The following SEMA5A variants were observed in gnomAD, a reference collection of about 807,000 sequenced individuals.
SEMA5A encodes the protein semaphorin-5A.
In SEMA5A, 55 loss-of-function variants were observed where a neutral mutation model predicts 135.5. The observed-to-expected ratio is 0.41, with a 90% confidence interval of 0.33 to 0.51. SEMA5A has a LOEUF of 0.51. Ranked by LOEUF, SEMA5A falls within the 20% of genes least tolerant of loss-of-function variation. SEMA5A has a pLI of 0.37. For missense variants in SEMA5A, 1,290 were observed against 1,419.9 expected (o/e 0.91, Z 1.47); for synonymous variants, 580 against 546.5 (o/e 1.06, Z -0.85).
At position 9,384,679 on chromosome 5, in the gene SEMA5A, G is replaced by T. The variant is rs868610941; in HGVS notation, c.-77-4656C>A. On this transcript the variant is annotated intron_variant, in intron 2 of 22. Coordinates refer to ENST00000382496, the MANE Select transcript of SEMA5A (RefSeq NM_003966.3). ...AGATAGATATAGATAGATAGATATA[G>T]ATAGATAGATAGATAGATAGATAGA... Among the ~76,000 whole-genome samples, 196 of 90,624 alleles carry T rather than the reference G, an allele frequency of 2.2e-3. 9 individuals are homozygous for T. The highest frequency in any genetic ancestry group is 0.011 in the African/African-American group (179 of 16,306). The allele number at this position is 90,624 out of a possible 152,430, so 59.5% of individuals were successfully genotyped here. A position where few individuals can be genotyped will look rare whatever the true frequency, so the allele number is the denominator to read the frequency against.
chr5:9,410,890 T>TTTA (rs2126603465), intron 2 of SEMA5A, among the ~76,000 whole-genome samples: 1 of 150,702 alleles, frequency 6.6e-6, no homozygotes, highest in South Asian at 2.1e-4. Flanking sequence ...AAAAAAGACA[T>TTTA]TCAAGCCGCC....
chr5:9,420,932 C>T (rs916551113), intron 2 of SEMA5A, among the ~76,000 whole-genome samples: 1 of 152,220 alleles, frequency 6.6e-6, no homozygotes, highest in African/African-American at 2.4e-5. Flanking sequence ...AGGAGAATCG[C>T]TTGAACCCCG....
chr5:9,068,377 CT>C (rs1737588341), intron 16 of SEMA5A, among the ~76,000 whole-genome samples: 1 of 152,210 alleles, frequency 6.6e-6, no homozygotes, highest in African/African-American at 2.4e-5. Flanking sequence ...CCTGAGAAGA[CT>C]GCTCCAGTGT....
intron 1 of SEMA5A, among the ~76,000 whole-genome samples, chr5:9,465,556 T>TA (rs1255417541): frequency 6.6e-6 from 1 of 152,232 alleles, no homozygotes; most frequent in African/African-American, 2.4e-5. Context: ...GTGTGCCAAA[T>TA]ACTATGTTGA....
At chr5:9,210,719 G>A (rs559453129) in intron 8 of SEMA5A, among the ~76,000 whole-genome samples, 1 of 152,106 alleles carries the variant, frequency 6.6e-6, no homozygotes, top group Non-Finnish European at 1.5e-5. Context: ...TGTGTCAGGG[G>A]GCAAGTCCCT....
At chr5:9,232,671 A>G in intron 6 of SEMA5A, among the ~76,000 whole-genome samples, 1 of 152,322 alleles carries the variant, frequency 6.6e-6, no homozygotes, top group South Asian at 2.1e-4. Context: ...ACTATACTGT[A>G]TATATGTACA....
At chr5:9,464,573 T>C (rs1228242106) in intron 1 of SEMA5A, among the ~76,000 whole-genome samples, 1 of 152,238 alleles carries the variant, frequency 6.6e-6, no homozygotes, top group African/African-American at 2.4e-5. Flanking sequence ...CAATAGGTGT[T>C]GATTTTCAGT....
chr5:9,162,394 GTGTGTGTGTGTATATATA>G (rs1260067761), intron 11 of SEMA5A, among the ~76,000 whole-genome samples: 10 of 138,360 alleles, frequency 7.2e-5, no homozygotes, highest in Non-Finnish European at 1.1e-4. Flanking sequence ...GTGTGTGTGT[GTGTGTGTGTGTATATATA>G]TGTGTGTGTA....
intron 1 of SEMA5A, among the ~76,000 whole-genome samples, chr5:9,524,675 A>G (rs992454436): frequency 6.6e-6 from 1 of 152,212 alleles, no homozygotes; most frequent in Non-Finnish European, 1.5e-5. Context: ...GCAAATACAG[A>G]TGGTAACAAT....
At chr5:9,449,132 G>A (rs1437348411) in intron 1 of SEMA5A, among the ~76,000 whole-genome samples, 2 of 152,150 alleles carry the variant, frequency 1.3e-5, no homozygotes, top group Admixed American at 6.5e-5. Context: ...GTTCACTGCA[G>A]TACTACTCAC....
At chr5:9,151,570 A>T (rs1461916829) in intron 12 of SEMA5A, among the ~76,000 whole-genome samples, 2 of 152,116 alleles carry the variant, frequency 1.3e-5, no homozygotes, top group Admixed American at 6.5e-5. Flanking sequence ...ATTTTTTTTT[A>T]AAGATTCTTT....
chr5:9,450,136 C>G (rs1002144779), intron 1 of SEMA5A, among the ~76,000 whole-genome samples: 2 of 152,160 alleles, frequency 1.3e-5, no homozygotes, highest in East Asian at 3.9e-4. Flanking sequence ...CTTCTACAGA[C>G]CCCCTTGGGG....
chr5:9,422,379 A>G (rs534247395), intron 2 of SEMA5A: 78 of 152,324 alleles, frequency 5.1e-4, no homozygotes, highest in African/African-American at 1.8e-3. Context: ...CTAAATACAG[A>G]CCAGAATTCT....
intron 3 of SEMA5A, among the ~76,000 whole-genome samples, chr5:9,378,454 T>C (rs777433439): frequency 2.0e-4 from 31 of 152,158 alleles, no homozygotes; most frequent in Non-Finnish European, 4.1e-4. Context: ...CTCTGCCTCC[T>C]GAAGGAAATA....
intron 3 of SEMA5A, among the ~76,000 whole-genome samples, chr5:9,374,061 C>T (rs796339005): frequency 2.0e-5 from 3 of 152,242 alleles, no homozygotes; most frequent in African/African-American, 7.2e-5. Flanking sequence ...GACATTTAAA[C>T]AAATGACAAG....
chr5:9,418,152 A>G (rs1029295023), intron 2 of SEMA5A, among the ~76,000 whole-genome samples: 1 of 151,708 alleles, frequency 6.6e-6, no homozygotes, highest in African/African-American at 2.4e-5. Context: ...AATTTTTTGT[A>G]TTTTTAGTAG....
At chr5:9,127,162 G>C (rs1032702826) in intron 13 of SEMA5A, among the ~76,000 whole-genome samples, 1 of 152,166 alleles carries the variant, frequency 6.6e-6, no homozygotes, top group Non-Finnish European at 1.5e-5. Context: ...AGCCTGCGAC[G>C]TTAAAAGCAA....
chr5:9,466,131 A>T (rs77802529), intron 1 of SEMA5A, among the ~76,000 whole-genome samples: 2,030 of 152,276 alleles, frequency 0.013, 42 homozygotes, highest in African/African-American at 0.047. Context: ...GTGCACACAG[A>T]TACCTGGGTA....
intron 10 of SEMA5A, among the ~76,000 whole-genome samples, chr5:9,195,635 A>G (rs547349365): frequency 3.5e-4 from 54 of 152,374 alleles, no homozygotes; most frequent in African/African-American, 1.3e-3. Flanking sequence ...TGTGATAAAA[A>G]TGCACATAAT....
Sources: gnomAD v4.1 joint callset for allele counts (sites outside exome capture counted in the v4.1 genomes callset) on GRCh38, gnomAD v4.1.1 for gene constraint, MANE v1.5 for transcripts, NCBI Gene and HGNC (gene_info 2026-07-23, HGNC 2026-07-21) for gene names.